Variants in PSMD1 observed in about 807,000 individuals in gnomAD.
The protein encoded by PSMD1 is proteasome 26S subunit, non-ATPase 1, also known as 26S proteasome non-ATPase regulatory subunit 1.
PSMD1 carries 18 observed loss-of-function variants against 119.0 expected under a neutral mutation model. That is an observed-to-expected ratio of 0.15 (90% confidence interval 0.10 to 0.22). PSMD1 has a LOEUF of 0.22. Among genes scored for constraint, PSMD1 ranks in the 10% least tolerant of loss-of-function variants. PSMD1 has a pLI of 1.00. For missense variants in PSMD1, 702 were observed against 1,158.5 expected (o/e 0.61, Z 5.72); for synonymous variants, 374 against 396.6 (o/e 0.94, Z 0.68).
intron 16 of PSMD1, among the ~76,000 whole-genome samples, chr2:231,119,540 T>C (rs1463789653): frequency 6.6e-6 from 1 of 152,156 alleles, no homozygotes; most frequent in Non-Finnish European, 1.5e-5. Flanking sequence ...ATACCACGGA[T>C]ACTGTTTGAA....
intron 4 of PSMD1, among the ~76,000 whole-genome samples, chr2:231,062,926 T>G (rs1693796788): frequency 6.6e-6 from 1 of 152,192 alleles, no homozygotes; most frequent in Non-Finnish European, 1.5e-5. Flanking sequence ...ATCAGATTAG[T>G]ATGAGTAACA....
In PSMD1 at chr2:231,067,084, C is replaced by T. The variant is rs763047300; in HGVS notation, c.483C>T (p.Asp161=). The change falls in exon 5 of 25, where the codon GAC becomes GAT. Residue 161 remains aspartate, a synonymous_variant. Coordinates refer to ENST00000308696, the MANE Select transcript of PSMD1 (RefSeq NM_002807.4). The part of the protein sequence containing the change: ...IGIALETRRL[D]VFEKTILESN... The stretch of plus-strand genomic sequence containing the variant: ...TTGCTCTGGAGACACGAAGACTGGA[C>T]GTCTTTGAAAAGACCATACTGGAGT... 5.6e-6 allele frequency: 9 copies of T among 1,607,928 alleles called. No homozygotes were observed. The highest frequency in any genetic ancestry group is 3.3e-5 in the South Asian group (3 of 89,596).
chr2:231,082,170 C>T (rs992403129), intron 12 of PSMD1, among the ~76,000 whole-genome samples: 2 of 152,190 alleles, frequency 1.3e-5, no homozygotes, highest in Admixed American at 6.5e-5. Context: ...TCAGGCCGTT[C>T]TCCCACCTCA....
At chr2:231,123,350 C>T (rs1260433449) in intron 16 of PSMD1, 1 of 1,138,714 alleles carries the variant, frequency 8.8e-7, no homozygotes, top group Non-Finnish European at 1.3e-6. Context: ...AAATGAGTGT[C>T]CATTCTCTAA....
intron 16 of PSMD1, among the ~76,000 whole-genome samples, chr2:231,118,459 T>C (rs1411214937): frequency 6.6e-6 from 1 of 152,200 alleles, no homozygotes; most frequent in African/African-American, 2.4e-5. Context: ...TAACTTTCAA[T>C]TGAATTTGTC....
At chr2:231,151,802 A>ATTTTTTTTTTTTTTTT (rs1559251249) in intron 18 of PSMD1, among the ~76,000 whole-genome samples, 1 of 133,126 alleles carries the variant, frequency 7.5e-6, no homozygotes. Context: ...CAAACATGAG[A>ATTTTTTTTTTTTTTTT]ATTTTTTTTT....
chr2:231,080,092 T>C (rs925587971), intron 11 of PSMD1, 49 bp from the exon 12 acceptor site: 3 of 1,509,756 alleles, frequency 2.0e-6, no homozygotes, highest in Non-Finnish European at 2.7e-6. Context: ...TTGTCTTTTT[T>C]CTTCTTACTT....
chr2:231,092,706 A>G (rs1694625305), intron 16 of PSMD1, among the ~76,000 whole-genome samples: 1 of 152,224 alleles, frequency 6.6e-6, no homozygotes. Context: ...ATAATAGCCT[A>G]AATGGAGTCT....
intron 19 of PSMD1, among the ~76,000 whole-genome samples, chr2:231,158,303 C>A (rs146223203): frequency 0.01 from 1,526 of 151,764 alleles, 27 homozygotes; most frequent in Non-Finnish European, 0.011. Flanking sequence ...GAATGAGACT[C>A]CATCTCAAAA....
chr2:231,119,195 T>G (rs2125224736), intron 16 of PSMD1, among the ~76,000 whole-genome samples: 2 of 152,346 alleles, frequency 1.3e-5, no homozygotes, highest in South Asian at 4.1e-4. Context: ...ATTGCTTTTC[T>G]CCTCCATTTC....
rs1274058657 is a variant in PSMD1, at chr2:231,083,118, A to C, written c.1525+124A>C. 4.6e-5 allele frequency: 36 copies of C among 780,620 alleles called. 1 individual carries two copies. The highest frequency in any genetic ancestry group is 6.6e-5 in the Non-Finnish European group (33 of 500,520). The allele number at this position is 780,620 out of a possible 1,614,324, so 48.4% of individuals were successfully genotyped here. ...GATGGATTTCTCTAGTTGAAGAGGA[A>C]GTGAATTTTGCTCCATTTGTCAAAG... On this transcript the variant is annotated intron_variant, in intron 13 of 24. Coordinates refer to ENST00000308696, the MANE Select transcript of PSMD1 (RefSeq NM_002807.4).
At chr2:231,093,155 G>C (rs113773323) in intron 16 of PSMD1, among the ~76,000 whole-genome samples, 24 of 152,242 alleles carry the variant, frequency 1.6e-4, no homozygotes, top group Admixed American at 1.5e-3. Context: ...GTTGGGAAGC[G>C]GGTGTCTGCT....
Position 231,158,629 on chromosome 2 carries a change from G to T in PSMD1, c.2219-2711G>T, listed in dbSNP as rs184231423. Reference sequence around the variant, plus strand: ...TCAAATAGCACGTTAGCTAGGCATCGTTTTCCTCTCTTCTGCCCCTCCCCA... The same window carrying T: ...TCAAATAGCACGTTAGCTAGGCATCTTTTTCCTCTCTTCTGCCCCTCCCCA... On this transcript the variant is annotated intron_variant, in intron 19 of 24. Coordinates refer to ENST00000308696, the MANE Select transcript of PSMD1 (RefSeq NM_002807.4). Among the ~76,000 whole-genome samples, 397 of 152,276 alleles carry T rather than the reference G, an allele frequency of 2.6e-3. 2 individuals carry two copies. The highest frequency in any genetic ancestry group is 5.1e-3 in the Non-Finnish European group (349 of 68,026).
chr2:231,112,900 C>CA (rs1695202563), intron 16 of PSMD1, among the ~76,000 whole-genome samples: 1 of 152,188 alleles, frequency 6.6e-6, no homozygotes, highest in African/African-American at 2.4e-5. Flanking sequence ...TGCAGTGACT[C>CA]ACGCCTGTAA....
chr2:231,127,867 C>T (rs1457728363), intron 16 of PSMD1, among the ~76,000 whole-genome samples: 3 of 152,100 alleles, frequency 2.0e-5, no homozygotes, highest in Non-Finnish European at 4.4e-5. Context: ...TAGAATATTT[C>T]CTTTCCCAAA....
At chr2:231,075,632 C>T (rs566112328) in intron 8 of PSMD1, 61 bp downstream of exon 8, 22 of 1,481,438 alleles carry the variant, frequency 1.5e-5, no homozygotes, top group East Asian at 1.2e-4. Context: ...CAGGCTAGAA[C>T]GCAGTGGCGC....
intron 14 of PSMD1, among the ~76,000 whole-genome samples, chr2:231,084,000 A>G (rs1383874685): frequency 6.6e-6 from 1 of 152,204 alleles, no homozygotes; most frequent in African/African-American, 2.4e-5. Context: ...GGTGATACTC[A>G]TAAGCAGATT....
chr2:231,139,314 CTTTTTTTTTTTTTT>C lies in PSMD1; in HGVS notation c.1998+474_1998+487del, dbSNP rs60709158. The stretch of plus-strand genomic sequence containing the variant: ...CCACCGCACCAGGCTTTTTTTCTTT[CTTTTTTTTTTTTTT>C]TTTTTTTTTCTTTTGAGTCTTGCTC... On this transcript the variant is annotated intron_variant, in intron 17 of 24. Coordinates refer to ENST00000308696, the MANE Select transcript of PSMD1 (RefSeq NM_002807.4). 1.8e-4 allele frequency among the ~76,000 whole-genome samples: 17 copies of C among 93,540 alleles called. No individual in the cohort carries two copies. In the East Asian group the frequency reaches 5.0e-3, roughly 27 times the overall value. 61.4% of individuals were successfully genotyped at this position (93,540 alleles called of 152,430 possible).
intron 19 of PSMD1, among the ~76,000 whole-genome samples, chr2:231,155,919 A>G (rs780672799): frequency 1.3e-5 from 2 of 152,072 alleles, no homozygotes; most frequent in Admixed American, 6.6e-5. Context: ...ATTCCCTCCC[A>G]TTTACAAGCT....
Sources: allele counts gnomAD v4.1 joint callset (sites outside exome capture counted in the v4.1 genomes callset), GRCh38; gene constraint gnomAD v4.1.1; transcripts MANE v1.5; gene names NCBI Gene and HGNC (gene_info 2026-07-23, HGNC 2026-07-21).